AFF2: variants seen among roughly 807,000 people sequenced by gnomAD.
AFF2 encodes the protein ALF transcription elongation factor 2.
A neutral mutation model predicts 76.9 loss-of-function variants in AFF2; 14 were observed. The ratio of observed to expected loss-of-function variants is 0.18; its 90% CI spans 0.12 to 0.28. The LOEUF is 0.28. Among genes scored for constraint, AFF2 ranks in the 10% least tolerant of loss-of-function variants. The pLI is 1.00. For missense variants in AFF2, 868 were observed against 1,001.1 expected, an observed-to-expected ratio of 0.87 and a Z score of 1.79; for synonymous variants, 398 against 366.7, an observed-to-expected ratio of 1.09 and a Z score of -0.98.
At chrX:148,923,945 T>C (rs971494141) in intron 9 of AFF2, among the ~76,000 whole-genome samples, 14 of 111,846 alleles carry the variant, frequency 1.3e-4, no homozygotes, top group African/African-American at 3.6e-4. Flanking sequence ...GAGGTTTCTC[T>C]GGAGCTGTTT....
chrX:148,622,197 G>A (rs1370681092), intron 1 of AFF2, among the ~76,000 whole-genome samples: 2 of 112,038 alleles, frequency 1.8e-5, no homozygotes, highest in South Asian at 3.7e-4. Flanking sequence ...GTGCACATGG[G>A]TTGAGCTGTA....
chrX:148,510,611 G>C (rs2052472480), intron 1 of AFF2, among the ~76,000 whole-genome samples: 2 of 111,918 alleles, frequency 1.8e-5, no homozygotes, highest in Admixed American at 1.9e-4. Context: ...TGACTTTCCA[G>C]ATATCTACTC....
chrX:148,600,278 C>G (rs1318045538), intron 1 of AFF2, among the ~76,000 whole-genome samples: 1 of 111,369 alleles, frequency 9.0e-6, no homozygotes. Context: ...AGGAATTGCT[C>G]ATTGGCCCAA....
At chrX:148,805,070 C>G (rs2070110550) in intron 3 of AFF2, among the ~76,000 whole-genome samples, 1 of 111,475 alleles carries the variant, frequency 9.0e-6, no homozygotes, top group Non-Finnish European at 1.9e-5. Context: ...GTATCATAAC[C>G]TGAGTTTTTA....
chrX:148,542,269 G>C (rs2052866614), intron 1 of AFF2, among the ~76,000 whole-genome samples: 1 of 108,291 alleles, frequency 9.2e-6, no homozygotes, highest in Non-Finnish European at 1.9e-5. Flanking sequence ...GCAAAGCAGA[G>C]TGTTCTTAAA....
At chrX:148,722,546 A>T (rs1262407564) in intron 3 of AFF2, among the ~76,000 whole-genome samples, 1 of 110,452 alleles carries the variant, frequency 9.1e-6, no homozygotes, top group Non-Finnish European at 1.9e-5. Flanking sequence ...CTGTGCCTGC[A>T]TCATTACTGC....
At chrX:148,674,026 A>T in intron 3 of AFF2, among the ~76,000 whole-genome samples, 1 of 112,148 alleles carries the variant, frequency 8.9e-6, no homozygotes, top group Non-Finnish European at 1.9e-5. Context: ...TCTGAAAAAT[A>T]ATTATTTTCT....
chrX:148,765,608 T>G (rs1024750184), intron 3 of AFF2, among the ~76,000 whole-genome samples: 1 of 111,808 alleles, frequency 8.9e-6, no homozygotes, highest in African/African-American at 3.2e-5. Flanking sequence ...CACCTAGGGC[T>G]CTTTAAAACC....
intron 5 of AFF2, among the ~76,000 whole-genome samples, chrX:148,841,192 G>A (rs966343203): frequency 8.9e-6 from 1 of 111,958 alleles, no homozygotes; most frequent in Non-Finnish European, 1.9e-5. Flanking sequence ...TTTGGAACTT[G>A]TCATTTAATT....
At chrX:148,835,145 A>G (rs1603308790) in intron 4 of AFF2, among the ~76,000 whole-genome samples, 1 of 111,566 alleles carries the variant, frequency 9.0e-6, no homozygotes, top group East Asian at 2.8e-4. Flanking sequence ...ACTTTTGAGA[A>G]GTGACTTTAT....
chrX:148,551,068 C>T, intron 1 of AFF2, among the ~76,000 whole-genome samples: 1 of 109,663 alleles, frequency 9.1e-6, no homozygotes, highest in African/African-American at 3.3e-5. Flanking sequence ...AAAATCAGCC[C>T]TGTTTGAGAA....
chrX:148,860,791 T>C (rs2070839140), intron 7 of AFF2, among the ~76,000 whole-genome samples: 1 of 111,688 alleles, frequency 9.0e-6, no homozygotes, highest in South Asian at 3.7e-4. Flanking sequence ...AAGTCACTTT[T>C]TTTCTGCATA....
intron 1 of AFF2, among the ~76,000 whole-genome samples, chrX:148,621,649 A>G (rs1406034874): frequency 8.9e-6 from 1 of 112,004 alleles, no homozygotes; most frequent in Non-Finnish European, 1.9e-5. Flanking sequence ...TAACAAGAAC[A>G]TTGTGTTTCA....
intron 3 of AFF2, among the ~76,000 whole-genome samples, chrX:148,771,280 T>G (rs1256631918): frequency 8.9e-6 from 1 of 112,059 alleles, no homozygotes; most frequent in African/African-American, 3.2e-5. Flanking sequence ...GTGTGGGTGG[T>G]CTTATGGACC....
chrX:148,899,837 G>A (rs1394205565), intron 8 of AFF2, among the ~76,000 whole-genome samples: 1 of 110,806 alleles, frequency 9.0e-6, no homozygotes, highest in African/African-American at 3.3e-5. Context: ...CAACATACAG[G>A]AAACATATTG....
chrX:148,883,766 C>T (rs1325683897), intron 7 of AFF2, among the ~76,000 whole-genome samples: 3 of 111,313 alleles, frequency 2.7e-5, no homozygotes, highest in African/African-American at 9.8e-5. Flanking sequence ...CTTAACCTGT[C>T]TAAACCTCAG....
At chrX:148,650,803 G>C (rs1557256238) in intron 1 of AFF2, among the ~76,000 whole-genome samples, 1 of 111,717 alleles carries the variant, frequency 9.0e-6, no homozygotes, top group African/African-American at 3.3e-5. Flanking sequence ...AGGTATTAAG[G>C]TTTCGGATAT....
At position 148,966,891 on chromosome X, in the gene AFF2, T is replaced by C. The variant is rs138406514; in HGVS notation, c.3015T>C (p.Thr1005=). 20 of 1,211,217 alleles carry C rather than the reference T, an allele frequency of 1.7e-5. No homozygotes were observed. The highest frequency in any genetic ancestry group is 2.2e-5 in the Non-Finnish European group (20 of 895,438). Residue 1005 remains threonine, a synonymous_variant, in exon 14 of 21, where the codon ACT becomes ACC. Coordinates refer to ENST00000370460, the MANE Select transcript of AFF2 (RefSeq NM_002025.4). The stretch of plus-strand genomic sequence containing the variant: ...CTGCTACTGCCATTGTCACCACCAC[T>C]GTCACAGCTACTGCCACCGCCACGG... ...TVTATAIVTT[T]VTATATATAT...
At chrX:148,857,334 C>G (rs1162057449) in intron 7 of AFF2, among the ~76,000 whole-genome samples, 1 of 110,940 alleles carries the variant, frequency 9.0e-6, no homozygotes, top group Non-Finnish European at 1.9e-5. Context: ...TTCTTCAGGC[C>G]CAATAGACGA....
Sources: gnomAD v4.1 joint callset for allele counts (sites outside exome capture counted in the v4.1 genomes callset) on GRCh38, gnomAD v4.1.1 for gene constraint, MANE v1.5 for transcripts, NCBI Gene and HGNC (gene_info 2026-07-23, HGNC 2026-07-21) for gene names.